MYO10: variants seen among roughly 807,000 people sequenced by gnomAD.
The protein encoded by MYO10 is myosin X, also known as unconventional myosin-X.
MYO10 carries 133 observed loss-of-function variants against 257.3 expected under a neutral mutation model. The ratio of observed to expected loss-of-function variants is 0.52; its 90% CI spans 0.45 to 0.60. The LOEUF (loss-of-function observed/expected upper bound fraction) is 0.60, where lower values mean the gene tolerates loss of function less well. Ranked by LOEUF, MYO10 falls within the 20% of genes least tolerant of loss-of-function variation. The pLI is 0.00. For missense variants in MYO10, 2,399 were observed against 2,635.7 expected, an observed-to-expected ratio of 0.91 and a Z score of 1.97; for synonymous variants, 1,104 against 1,028.6, an observed-to-expected ratio of 1.07 and a Z score of -1.40.
chr5:16,776,628 C>A (rs1304992148), intron 9 of MYO10, among the ~76,000 whole-genome samples: 1 of 152,100 alleles, frequency 6.6e-6, no homozygotes. Flanking sequence ...ATTTCAAATG[C>A]CAAGACCTAT....
intron 2 of MYO10, among the ~76,000 whole-genome samples, chr5:16,871,681 T>C (rs1435388436): frequency 6.6e-6 from 1 of 152,082 alleles, no homozygotes; most frequent in Non-Finnish European, 1.5e-5. Context: ...GTTAAAGAAC[T>C]TCTCCTAATG....
chr5:16,888,746 TA>T (rs77280334), intron 1 of MYO10, among the ~76,000 whole-genome samples: 46 of 145,940 alleles, frequency 3.2e-4, no homozygotes, highest in South Asian at 6.5e-4. Context: ...CCCCATCTCT[TA>T]AAAAAAAAAA....
At chr5:16,694,678 A>G in intron 26 of MYO10, 64 bp from the exon 27 acceptor site, 1 of 1,588,042 alleles carries the variant, frequency 6.3e-7, no homozygotes, top group Non-Finnish European at 8.6e-7. Flanking sequence ...GATGACAACA[A>G]CATGCATAGC....
chr5:16,691,206 C>T (rs1052331401), intron 27 of MYO10, among the ~76,000 whole-genome samples: 19 of 149,198 alleles, frequency 1.3e-4, no homozygotes, highest in African/African-American at 4.5e-4. Context: ...GGAGGTGGAG[C>T]TTGCAGTGAG....
chr5:16,895,853 G>A (rs80045549), intron 1 of MYO10, among the ~76,000 whole-genome samples: 7,341 of 151,616 alleles, frequency 0.048, 343 homozygotes, highest in African/African-American at 0.13. Flanking sequence ...AAGGACATGC[G>A]TGCAATAAAC....
intron 2 of MYO10, among the ~76,000 whole-genome samples, chr5:16,874,170 T>TA (rs1364055346): frequency 2.6e-5 from 4 of 151,520 alleles, no homozygotes; most frequent in Admixed American, 6.6e-5. Flanking sequence ...CCATCTCTAC[T>TA]AAAAACACAA....
intron 19 of MYO10, among the ~76,000 whole-genome samples, chr5:16,727,043 C>G (rs138793405): frequency 6.5e-4 from 99 of 152,046 alleles, no homozygotes; most frequent in African/African-American, 2.2e-3. Flanking sequence ...GAGTTGTGCT[C>G]TAGAGATAAT....
At chr5:16,837,327 T>C (rs529022788) in intron 2 of MYO10, among the ~76,000 whole-genome samples, 1 of 152,036 alleles carries the variant, frequency 6.6e-6, no homozygotes, top group African/African-American at 2.4e-5. Flanking sequence ...AAAAAAAACA[T>C]ACTGACGAAC....
intron 19 of MYO10, among the ~76,000 whole-genome samples, chr5:16,732,257 A>G (rs1739614223): frequency 6.6e-6 from 1 of 152,096 alleles, no homozygotes. Context: ...GGAAGGAGGG[A>G]TGGAGAGAGG....
intron 19 of MYO10, among the ~76,000 whole-genome samples, chr5:16,712,398 C>G (rs1031768809): frequency 2.0e-5 from 3 of 152,152 alleles, no homozygotes; most frequent in African/African-American, 7.2e-5. Context: ...AAAAGTGGGC[C>G]ATTTAGGAAC....
At chr5:16,858,705 A>G (rs530244344) in intron 2 of MYO10, among the ~76,000 whole-genome samples, 44 of 152,128 alleles carry the variant, frequency 2.9e-4, no homozygotes, top group Non-Finnish European at 5.1e-4. Context: ...CATGCCTGTA[A>G]TCTCAACACT....
chr5:16,700,590 T>C (rs922889705), intron 25 of MYO10, among the ~76,000 whole-genome samples: 9 of 152,064 alleles, frequency 5.9e-5, no homozygotes, highest in Admixed American at 5.9e-4. Context: ...GGCAGCAGGA[T>C]AGCTTGGACC....
chr5:16,849,112 C>T (rs1347075175), intron 2 of MYO10, among the ~76,000 whole-genome samples: 2 of 152,086 alleles, frequency 1.3e-5, no homozygotes, highest in South Asian at 2.1e-4. Context: ...TGAGCCACGG[C>T]GCCTGGCAAT....
intron 19 of MYO10, among the ~76,000 whole-genome samples, chr5:16,752,577 C>T (rs574358812): frequency 2.1e-4 from 32 of 152,270 alleles, no homozygotes; most frequent in Admixed American, 4.6e-4. Flanking sequence ...TGAGCCACCA[C>T]GCCTAGCCAA....
intron 1 of MYO10, among the ~76,000 whole-genome samples, chr5:16,933,308 C>A (rs910579068): frequency 1.3e-5 from 2 of 152,180 alleles, no homozygotes; most frequent in African/African-American, 4.8e-5. Context: ...CGGCCTCCAA[C>A]AACAAAGAAT....
In MYO10 at chr5:16,668,409, G is replaced by A. The variant is rs542426164; in HGVS notation, c.5943C>T (p.Ser1981=). The A allele has an allele frequency of 1.1e-5, 18 of 1,613,780 alleles. No homozygotes were observed. Among genetic ancestry groups the A allele is most frequent in the South Asian group, 1.1e-4 (10 of 91,040 alleles). ...GTCTTCCCTCTCCACGCTTGTAGAC[G>A]GAGACGGCGTCCGCGCTGACACCCA... ...LWLGVSADAV[S]VYKRGEGRPL... is the part of the protein sequence containing the mutation. The change falls in exon 40 of 41, where the codon TCC becomes TCT. Residue 1981 remains serine, a synonymous_variant. Transcript: ENST00000513610.
chr5:16,829,897 A>ACACACACACG (rs1554000738), intron 2 of MYO10, among the ~76,000 whole-genome samples: 1 of 148,766 alleles, frequency 6.7e-6, no homozygotes, highest in Non-Finnish European at 1.5e-5. Context: ...ACACACACAC[A>ACACACACACG]CACACGCACA....
chr5:16,725,945 G>A (rs1210031441), intron 19 of MYO10, among the ~76,000 whole-genome samples: 1 of 151,930 alleles, frequency 6.6e-6, no homozygotes, highest in Non-Finnish European at 1.5e-5. Flanking sequence ...ACGCTGCCAC[G>A]CCAGGCTAAT....
intron 19 of MYO10, among the ~76,000 whole-genome samples, chr5:16,747,617 G>C (rs1349893768): frequency 6.6e-6 from 1 of 152,138 alleles, no homozygotes; most frequent in African/African-American, 2.4e-5. Flanking sequence ...AGAGAAACCA[G>C]ATGCATAAAA....
Sources: gnomAD v4.1 joint callset for allele counts (sites outside exome capture counted in the v4.1 genomes callset) on GRCh38, gnomAD v4.1.1 for gene constraint, MANE v1.5 for transcripts, NCBI Gene and HGNC (gene_info 2026-07-23, HGNC 2026-07-21) for gene names.